TMEM266: variants seen among roughly 807,000 people sequenced by gnomAD.
The protein encoded by TMEM266 is Hv1 related protein 1.
A neutral mutation model predicts 50.5 loss-of-function variants in TMEM266; 33 were observed. That is an observed-to-expected ratio of 0.65 (90% CI 0.50 to 0.87). The LOEUF (loss-of-function observed/expected upper bound fraction) is 0.87, where lower values mean the gene tolerates loss of function less well. Among genes scored for constraint, TMEM266 ranks in the 40% least tolerant of loss-of-function variants. The pLI is 0.00. For missense variants in TMEM266, 655 were observed against 695.1 expected, an observed-to-expected ratio of 0.94 and a Z score of 0.65; for synonymous variants, 310 against 292.3, an observed-to-expected ratio of 1.06 and a Z score of -0.62.
intron 1 of TMEM266, among the ~76,000 whole-genome samples, chr15:76,115,522 C>A (rs866291918): frequency 6.6e-6 from 1 of 152,166 alleles, no homozygotes; most frequent in African/African-American, 2.4e-5. Flanking sequence ...AGAAACCCAC[C>A]ACCTGCGTCC....
At chr15:76,084,320 A>G (rs902747504) in intron 1 of TMEM266, among the ~76,000 whole-genome samples, 2 of 152,222 alleles carry the variant, frequency 1.3e-5, no homozygotes, top group African/African-American at 4.8e-5. Flanking sequence ...TCTCAAAAAG[A>G]AAAAGAAAAT....
chr15:76,201,350 C>A (rs1596175609), intron 9 of TMEM266, among the ~76,000 whole-genome samples: 2 of 152,278 alleles, frequency 1.3e-5, no homozygotes, highest in South Asian at 4.1e-4. Context: ...TCTCAACTCT[C>A]CTCCCATTCC....
At chr15:76,105,950 G>A (rs1334177973) in intron 1 of TMEM266, among the ~76,000 whole-genome samples, 2 of 152,184 alleles carry the variant, frequency 1.3e-5, no homozygotes, top group East Asian at 1.9e-4. Flanking sequence ...ATGGAAACAT[G>A]AGCCTGGATA....
chr15:76,180,607 CT>C (rs59287886), intron 8 of TMEM266, among the ~76,000 whole-genome samples: 2 of 63,168 alleles, frequency 3.2e-5, no homozygotes, highest in African/African-American at 1.3e-4. Flanking sequence ...TCATCTTAAG[CT>C]TTTTTTTTTT....
chr15:76,156,597 C>T lies in TMEM266; in HGVS notation c.228-7C>T. 6.2e-7 allele frequency: 1 copy of T among 1,613,196 alleles called. No homozygotes were observed. The highest frequency in any genetic ancestry group is 1.1e-5 in the South Asian group (1 of 90,958). Reference sequence around the variant, plus strand: ...AGCCTCTCTTCTCCCCACTTTTGTCCCCACAGGTCTAACTGGCTGAAGCCG... The same window carrying T: ...AGCCTCTCTTCTCCCCACTTTTGTCTCCACAGGTCTAACTGGCTGAAGCCG... On this transcript the variant is annotated splice_region_variant and splice_polypyrimidine_tract_variant and intron_variant, in intron 3 of 10. Coordinates refer to ENST00000388942, the MANE Select transcript of TMEM266 (RefSeq NM_152335.3).
intron 3 of TMEM266, among the ~76,000 whole-genome samples, chr15:76,156,390 A>C (rs2037926203): frequency 6.6e-6 from 1 of 152,150 alleles, no homozygotes; most frequent in Non-Finnish European, 1.5e-5. Context: ...AGAAAAAAAA[A>C]GTGGCCAGCT....
Position 76,126,374 on chromosome 15 carries a change from CATAT to C in TMEM266, c.-96-7770_-96-7767del, listed in dbSNP as rs61446223. 9.6e-3 allele frequency among the ~76,000 whole-genome samples: 1,322 copies of C among 137,790 alleles called. 30 individuals are homozygous for C. The highest frequency in any genetic ancestry group is 0.033 in the African/African-American group (1,248 of 37,654). The allele number at this position is 137,790 out of a possible 152,430, so 90.4% of individuals were successfully genotyped here. A position where few individuals can be genotyped will look rare whatever the true frequency, so the allele number is the denominator to read the frequency against. On this transcript the variant is annotated intron_variant, in intron 1 of 10. Coordinates refer to ENST00000388942, the MANE Select transcript of TMEM266 (RefSeq NM_152335.3). ...GTACACACACACACACACCCACAGA[CATAT>C]ATATATATATATATATATATATAGT...
chr15:76,144,849 C>T (rs538588818), intron 3 of TMEM266, among the ~76,000 whole-genome samples: 35 of 152,292 alleles, frequency 2.3e-4, no homozygotes, highest in Middle Eastern at 3.4e-3. Flanking sequence ...CCAGCTGAGC[C>T]GCCCACAATG....
At chr15:76,201,877 A>C (rs148416841) in intron 9 of TMEM266, among the ~76,000 whole-genome samples, 67 of 152,322 alleles carry the variant, frequency 4.4e-4, no homozygotes, top group African/African-American at 1.5e-3. Context: ...CCATCCAGAC[A>C]AGGAAAAGCC....
chr15:76,063,573 C>G (rs1193188332), intron 1 of TMEM266, among the ~76,000 whole-genome samples: 1 of 152,118 alleles, frequency 6.6e-6, no homozygotes, highest in Non-Finnish European at 1.5e-5. Context: ...AAAACTATCC[C>G]CACTCCCACA....
At chr15:76,142,571 T>A (rs2037696944) in intron 3 of TMEM266, among the ~76,000 whole-genome samples, 1 of 152,182 alleles carries the variant, frequency 6.6e-6, no homozygotes, top group African/African-American at 2.4e-5. Flanking sequence ...GGCTGTGATA[T>A]CTCCTTGTCT....
At position 76,060,504 on chromosome 15, in the gene TMEM266, TC is replaced by T. The variant is rs574594508; in HGVS notation, c.-97+493del. Reference sequence around the variant, plus strand: ...GGTCGTGACCACTTCCTAGTGGGCTTCCCCCGTTTGTCGGGAGGTGCCCCAG... The same window carrying T: ...GGTCGTGACCACTTCCTAGTGGGCTTCCCCGTTTGTCGGGAGGTGCCCCAG... On this transcript the variant is annotated intron_variant, in intron 1 of 10. Transcript: ENST00000388942. 2.8e-3 allele frequency among the ~76,000 whole-genome samples: 420 copies of T among 152,314 alleles called. 2 individuals are homozygous for T. The highest frequency in any genetic ancestry group is 9.9e-3 in the African/African-American group (411 of 41,570).
intron 1 of TMEM266, among the ~76,000 whole-genome samples, chr15:76,103,183 C>T (rs1158368693): frequency 2.0e-5 from 3 of 152,136 alleles, no homozygotes; most frequent in East Asian, 1.9e-4. Context: ...CTGACATACT[C>T]GCTAACAGAT....
intron 1 of TMEM266, among the ~76,000 whole-genome samples, chr15:76,062,491 T>C (rs1460373224): frequency 6.6e-6 from 1 of 152,222 alleles, no homozygotes; most frequent in Non-Finnish European, 1.5e-5. Flanking sequence ...TGAGACAGGA[T>C]CTTTCTGTCT....
At chr15:76,183,164 G>A (rs1335441038) in intron 8 of TMEM266, among the ~76,000 whole-genome samples, 2 of 136,194 alleles carry the variant, frequency 1.5e-5, no homozygotes, top group African/African-American at 5.6e-5. Context: ...GGCCCAGGCT[G>A]GAGTGCAGTG....
chr15:76,169,334 G>A (rs993454126), intron 5 of TMEM266, among the ~76,000 whole-genome samples: 1 of 152,080 alleles, frequency 6.6e-6, no homozygotes, highest in Non-Finnish European at 1.5e-5. Context: ...GAGGAGATTT[G>A]GGGTCGGGGA....
At chr15:76,079,268 G>T (rs545006999) in intron 1 of TMEM266, among the ~76,000 whole-genome samples, 15 of 149,880 alleles carry the variant, frequency 1.0e-4, no homozygotes, top group Non-Finnish European at 2.1e-4. Flanking sequence ...CTGGAGAATC[G>T]CTTGAACCCC....
At chr15:76,075,905 GGAGTGCA>G (rs2036601279) in intron 1 of TMEM266, among the ~76,000 whole-genome samples, 1 of 126,348 alleles carries the variant, frequency 7.9e-6, no homozygotes, top group African/African-American at 3.1e-5. Context: ...GTCCCGGGCT[GGAGTGCA>G]GTGGCACAAT....
chr15:76,122,660 G>C (rs1451040897), intron 1 of TMEM266, among the ~76,000 whole-genome samples: 1 of 152,196 alleles, frequency 6.6e-6, no homozygotes. Context: ...TGGGACAGCC[G>C]CTGCAGCCCT....
Sources: allele counts gnomAD v4.1 joint callset (sites outside exome capture counted in the v4.1 genomes callset), GRCh38; gene constraint gnomAD v4.1.1; transcripts MANE v1.5; gene names NCBI Gene and HGNC (gene_info 2026-07-23, HGNC 2026-07-21).